KMT2C: variants seen among roughly 807,000 people sequenced by gnomAD.
KMT2C encodes histone-lysine N-methyltransferase 2C.
KMT2C carries 88 observed loss-of-function variants against 507.9 expected under a neutral mutation model. The ratio of observed to expected loss-of-function variants is 0.17; its 90% confidence interval spans 0.15 to 0.21. The LOEUF is 0.21. Ranked by LOEUF, KMT2C falls within the 10% of genes least tolerant of loss-of-function variation. The pLI is 1.00. For synonymous variants in KMT2C, 2,049 were observed against 2,080.8 expected (o/e 0.98, Z 0.42); for missense variants, 4,954 against 5,957.8 (o/e 0.83, Z 5.55).
At chr7:152,421,588 A>G (rs2116735033) in intron 1 of KMT2C, among the ~76,000 whole-genome samples, 3 of 152,368 alleles carry the variant, frequency 2.0e-5, no homozygotes, top group Middle Eastern at 6.8e-3. Context: ...GATCCTTTGC[A>G]ACAGCATGGA....
rs573779065 is a variant in KMT2C, at chr7:152,330,367, T to C, written c.389+234A>G. Among the ~76,000 whole-genome samples the C allele has an allele frequency of 2.3e-3, 354 of 152,244 alleles. 4 individuals carry two copies. Among genetic ancestry groups the C allele is most frequent in the Middle Eastern group, 0.014 (4 of 294 alleles). On this transcript the variant is annotated intron_variant, in intron 3 of 58. Transcript: ENST00000262189. ...ACATTGGTAATATTCTGTACTGGCC[T>C]GAGGTGACTAGAGTAAAACCGTAGT... is the stretch of plus-strand genomic sequence containing the variant.
chr7:152,319,267 T>C (rs2096749779), intron 3 of KMT2C, among the ~76,000 whole-genome samples: 1 of 152,178 alleles, frequency 6.6e-6, no homozygotes, highest in African/African-American at 2.4e-5. Context: ...TGATTATACA[T>C]GAATATCATT....
chr7:152,413,286 C>T (rs1231687615), intron 1 of KMT2C, among the ~76,000 whole-genome samples: 4 of 151,834 alleles, frequency 2.6e-5, no homozygotes, highest in South Asian at 4.1e-4. Context: ...GGATAATTTA[C>T]GTATTTTTTG....
chr7:152,200,455 G>A (rs980189341), intron 26 of KMT2C, among the ~76,000 whole-genome samples: 14 of 152,302 alleles, frequency 9.2e-5, no homozygotes, highest in African/African-American at 2.6e-4. Flanking sequence ...CAGGTCGGGC[G>A]CAGTAGCTCA....
At position 152,158,914 on chromosome 7, in the gene KMT2C, CTCT is replaced by C. The variant is rs750312887; in HGVS notation, c.11616_11618del (p.Glu3874del). The C allele has an allele frequency of 6.6e-5, 107 of 1,614,072 alleles. No homozygotes were observed. The highest frequency in any genetic ancestry group is 8.6e-5 in the Non-Finnish European group (102 of 1,180,046). On this transcript the variant is annotated inframe_deletion, in exon 44 of 59. Coordinates refer to ENST00000262189, the MANE Select transcript of KMT2C (RefSeq NM_170606.3). The stretch of plus-strand genomic sequence containing the variant: ...TGCTAGAGTACATAGCTTGTTTCTC[CTCT>C]TCGTCCTTTTTCCTTTTCTTTGAGC...
chr7:152,360,889 T>C (rs2097191670), intron 1 of KMT2C, among the ~76,000 whole-genome samples: 1 of 149,786 alleles, frequency 6.7e-6, no homozygotes, highest in Non-Finnish European at 1.5e-5. Flanking sequence ...GCCTAAATGG[T>C]TTTATAATTA....
At chr7:152,332,469 C>T (rs1192557669) in intron 2 of KMT2C, among the ~76,000 whole-genome samples, 1 of 152,166 alleles carries the variant, frequency 6.6e-6, no homozygotes, top group Admixed American at 6.5e-5. Flanking sequence ...CTTTTACCAC[C>T]AAATTCATGA....
At position 152,135,874 on chromosome 7, in the gene KMT2C, CG is replaced by C. The variant is rs1016308495; in HGVS notation, c.*957del. The C allele has an allele frequency of 4.3e-6, 1 of 230,552 alleles. No homozygotes were observed. Among genetic ancestry groups the C allele is most frequent in the African/African-American group, 2.2e-5 (1 of 45,122 alleles). The allele number at this position is 230,552 out of a possible 1,614,324, so 14.3% of individuals were successfully genotyped here. On this transcript the variant is annotated 3_prime_UTR_variant, in exon 59 of 59. Coordinates refer to ENST00000262189, the MANE Select transcript of KMT2C (RefSeq NM_170606.3). ...AAAACCATTGAGTACTAATAGACTGCGGTTTCCAAAAAACCCCCAACACTCT... is the reference window on the plus strand; with the variant it reads ...AAAACCATTGAGTACTAATAGACTGCGTTTCCAAAAAACCCCCAACACTCT...
intron 14 of KMT2C, among the ~76,000 whole-genome samples, chr7:152,243,690 CAGG>C (rs2129161048): frequency 6.6e-6 from 1 of 152,226 alleles, no homozygotes; most frequent in South Asian, 2.1e-4. Context: ...GAGGCTGAGA[CAGG>C]AGAACTGCTT....
chr7:152,204,123 C>T (rs1248857934), intron 25 of KMT2C, among the ~76,000 whole-genome samples: 1 of 151,448 alleles, frequency 6.6e-6, no homozygotes, highest in Non-Finnish European at 1.5e-5. Context: ...CTGCTCACCA[C>T]CAATAGCAAA....
intron 3 of KMT2C, among the ~76,000 whole-genome samples, chr7:152,318,499 C>T (rs1469340232): frequency 3.1e-5 from 4 of 130,188 alleles, no homozygotes; most frequent in Non-Finnish European, 6.3e-5. Flanking sequence ...TGATGGTGTG[C>T]GCCTGTAATC....
At chr7:152,197,933 G>T (rs528060448) in intron 27 of KMT2C, among the ~76,000 whole-genome samples, 15 of 144,162 alleles carry the variant, frequency 1.0e-4, no homozygotes, top group Non-Finnish European at 1.8e-4. Context: ...AATAAATAAA[G>T]AAAAAAAAAA....
rs2096505748 is a variant in KMT2C at position 152,296,997 on chromosome 7, A to AAAGAAAG, written c.849+12968_849+12969insCTTTCTT. The stretch of plus-strand genomic sequence containing the variant: ...ACCACTAAAAAGAAAGAAAGAAAGA[A>AAAGAAAG]AAAGAAAGAAAGAAAGAAAGAAAGA... On this transcript the variant is annotated intron_variant, in intron 6 of 58. Coordinates refer to ENST00000262189, the MANE Select transcript of KMT2C (RefSeq NM_170606.3). 1.6e-3 allele frequency among the ~76,000 whole-genome samples: 93 copies of AAAGAAAG among 59,006 alleles called. 1 individual carries two copies. Among genetic ancestry groups the AAAGAAAG allele is most frequent in the African/African-American group, 4.8e-3 (88 of 18,328 alleles). The allele number at this position is 59,006 out of a possible 152,430, so 38.7% of individuals were successfully genotyped here.
At chr7:152,364,211 T>C (rs2097218777) in intron 1 of KMT2C, among the ~76,000 whole-genome samples, 4 of 152,214 alleles carry the variant, frequency 2.6e-5, no homozygotes, top group Admixed American at 1.3e-4. Flanking sequence ...ATTATAAGTA[T>C]GCCTCATATG....
At chr7:152,384,198 C>T (rs1440560153) in intron 1 of KMT2C, among the ~76,000 whole-genome samples, 1 of 152,094 alleles carries the variant, frequency 6.6e-6, no homozygotes, top group Non-Finnish European at 1.5e-5. Context: ...ACAGTTTGTT[C>T]CTTACATCAT....
In KMT2C at chr7:152,163,824, A is replaced by T; in HGVS notation, c.9753T>A (p.Ile3251=). The T allele has an allele frequency of 6.2e-7, 1 of 1,613,550 alleles. No individual in the cohort carries two copies. Among genetic ancestry groups the T allele is most frequent in the South Asian group, 1.1e-5 (1 of 91,058 alleles). The change falls in exon 43 of 59, where the codon ATT becomes ATA. Residue 3251 remains isoleucine, a splice_region_variant and synonymous_variant. Transcript: ENST00000262189. ...CAGCATGTTCTTTCTGTTGTTTACGAATCTGGAATAACAAAATGCATCATT... is the reference window on the plus strand; with the variant it reads ...CAGCATGTTCTTTCTGTTGTTTACGTATCTGGAATAACAAAATGCATCATT... ...QSMVQKQLEQ[I]RKQQKEHAEL...
chr7:152,192,121 G>T (rs1045318205), intron 31 of KMT2C, among the ~76,000 whole-genome samples: 3 of 151,926 alleles, frequency 2.0e-5, no homozygotes, highest in African/African-American at 4.8e-5. Flanking sequence ...CATAATGATT[G>T]TAAGATGTTT....
At chr7:152,171,682 T>C (rs1357117964) in intron 39 of KMT2C, among the ~76,000 whole-genome samples, 1 of 152,240 alleles carries the variant, frequency 6.6e-6, no homozygotes, top group Non-Finnish European at 1.5e-5. Context: ...CTCACTCCAC[T>C]TTACGATAAA....
chr7:152,165,894 G>A (rs772435629), intron 42 of KMT2C, among the ~76,000 whole-genome samples: 1 of 151,946 alleles, frequency 6.6e-6, no homozygotes, highest in Non-Finnish European at 1.5e-5. Flanking sequence ...TTGCCACGTT[G>A]GCCAGCTGGT....
Sources: allele counts gnomAD v4.1 joint callset (sites outside exome capture counted in the v4.1 genomes callset), GRCh38; gene constraint gnomAD v4.1.1; transcripts MANE v1.5; gene names NCBI Gene and HGNC (gene_info 2026-07-23, HGNC 2026-07-21).